GLI2: variants seen among roughly 807,000 people sequenced by gnomAD.
GLI2 encodes transcription activator GLI2.
A neutral mutation model predicts 78.9 loss-of-function variants in GLI2; 22 were observed. That is an observed-to-expected ratio of 0.28 (90% confidence interval 0.20 to 0.40). The LOEUF (loss-of-function observed/expected upper bound fraction) is 0.40. Among genes scored for constraint, GLI2 ranks in the 10% least tolerant of loss-of-function variants. The pLI, the probability that GLI2 is intolerant of heterozygous loss-of-function variation, is 1.00. For missense variants in GLI2, 2,097 were observed against 2,213.2 expected, an observed-to-expected ratio of 0.95 and a Z score of 1.05; for synonymous variants, 974 against 963.7, an observed-to-expected ratio of 1.01 and a Z score of -0.20.
chr2:120,909,589 G>A (rs914295221), intron 2 of GLI2, among the ~76,000 whole-genome samples: 1 of 152,162 alleles, frequency 6.6e-6, no homozygotes. Flanking sequence ...CTTTAGGCCG[G>A]GCGTGGTGGC....
chr2:120,875,750 C>T (rs965066788), intron 2 of GLI2, among the ~76,000 whole-genome samples: 5 of 151,746 alleles, frequency 3.3e-5, no homozygotes, highest in Admixed American at 2.0e-4. Context: ...ATAAAATTCA[C>T]ATGGAAGGCA....
At chr2:120,876,195 A>G (rs1336983915) in intron 2 of GLI2, among the ~76,000 whole-genome samples, 2 of 152,090 alleles carry the variant, frequency 1.3e-5, no homozygotes, top group Non-Finnish European at 2.9e-5. Flanking sequence ...CAAAAAACTT[A>G]GCCGGGCGTG....
chr2:120,759,380 T>A (rs1172395608), intron 1 of GLI2, among the ~76,000 whole-genome samples: 1 of 152,154 alleles, frequency 6.6e-6, no homozygotes, highest in Non-Finnish European at 1.5e-5. Flanking sequence ...AAGTACAGGT[T>A]CTTCAACTAC....
Position 120,971,977 on chromosome 2 carries a change from G to C in GLI2, c.1096G>C (p.Val366Leu). The change falls in exon 8 of 14, where the codon GTC (valine) becomes CTC (leucine). Residue 366 changes from valine (V) to leucine (L), a missense_variant. Coordinates refer to ENST00000361492, the MANE Select transcript of GLI2 (RefSeq NM_001374353.1). ...QSSESAVSST[V>L]NPVAIHKRSK... ...CAGTGAGTCGGCCGTCAGCAGCACC[G>C]TCAACCCTGTCGCCATTCACAAGCG... 6.2e-7 allele frequency: 1 copy of C among 1,613,504 alleles called. No individual in the cohort carries two copies. Among genetic ancestry groups the C allele is most frequent in the Non-Finnish European group, 8.5e-7 (1 of 1,179,728 alleles).
chr2:120,890,189 T>C (rs1677610588), intron 2 of GLI2, among the ~76,000 whole-genome samples: 1 of 152,214 alleles, frequency 6.6e-6, no homozygotes, highest in Non-Finnish European at 1.5e-5. Flanking sequence ...GGAATTATGC[T>C]GAGTGCAAAA....
chr2:120,978,838 G>A (rs1012631175), intron 10 of GLI2, among the ~76,000 whole-genome samples: 1 of 152,206 alleles, frequency 6.6e-6, no homozygotes, highest in Admixed American at 6.5e-5. Flanking sequence ...AAATGTGTGG[G>A]TGTGTCTGTG....
intron 2 of GLI2, among the ~76,000 whole-genome samples, chr2:120,799,737 G>A (rs1265877809): frequency 1.3e-5 from 2 of 152,196 alleles, no homozygotes; most frequent in Admixed American, 1.3e-4. Flanking sequence ...AATGTTACTG[G>A]ATGGTGGCAG....
At chr2:120,874,346 G>T (rs185171822) in intron 2 of GLI2, among the ~76,000 whole-genome samples, 1 of 152,318 alleles carries the variant, frequency 6.6e-6, no homozygotes, top group African/African-American at 2.4e-5. Flanking sequence ...AGGGAAAAAA[G>T]TTATACTAAT....
rs114866726 is a variant in GLI2, at chr2:120,852,290, G to A, written c.148+54822G>A. ...CTATGGATCGCACAGAGACGGATGG[G>A]CAGAGAGTCGTTCCCCATGCAGCGG... On this transcript the variant is annotated intron_variant, in intron 2 of 13. Transcript: ENST00000361492. Among the ~76,000 whole-genome samples, 521 of 152,322 alleles carry A rather than the reference G, an allele frequency of 3.4e-3. 7 individuals carry two copies. Among genetic ancestry groups the A allele is most frequent in the African/African-American group, 0.012 (495 of 41,576 alleles).
intron 1 of GLI2, among the ~76,000 whole-genome samples, chr2:120,738,040 G>A (rs1265118935): frequency 6.6e-6 from 1 of 152,220 alleles, no homozygotes; most frequent in East Asian, 1.9e-4. Context: ...GCCCTCCCTG[G>A]GGCCTGGGAA....
chr2:120,791,914 TGA>T (rs1314046045), intron 1 of GLI2, among the ~76,000 whole-genome samples: 5 of 152,124 alleles, frequency 3.3e-5, no homozygotes, highest in African/African-American at 1.2e-4. Context: ...GTGTGCTGTG[TGA>T]GTGTGTGAGC....
intron 8 of GLI2, among the ~76,000 whole-genome samples, chr2:120,973,808 C>T (rs1682314399): frequency 1.3e-5 from 2 of 152,280 alleles, no homozygotes; most frequent in Middle Eastern, 3.4e-3. Context: ...GAACCCTTCT[C>T]GGAAGAGGTC....
rs759512271 is a variant in GLI2 at position 120,968,903 on chromosome 2, C to T, written c.833C>T (p.Ala278Val). 8.1e-6 allele frequency: 13 copies of T among 1,611,236 alleles called. No individual in the cohort carries two copies. The highest frequency in any genetic ancestry group is 3.3e-5 in the Admixed American group (2 of 59,980). Reference sequence around the variant, plus strand: ...AGCGGTTCCTACGGGCATCTGTCAGCGGGTGCCCTCAGGTGAGCCCCGCCT... The same window carrying T: ...AGCGGTTCCTACGGGCATCTGTCAGTGGGTGCCCTCAGGTGAGCCCCGCCT... Reference protein sequence around the residue: ...AASGSYGHLSAGALSPAFTFP... With the variant: ...AASGSYGHLSVGALSPAFTFP... Residue 278 changes from alanine to valine, a missense_variant, in exon 6 of 14, where the codon GCG becomes GTG. Physicochemically the swap from Ala to Val is moderately conservative, Grantham distance 64. Around this residue, in one of 5 missense-constraint regions of GLI2, gnomAD observed 578 missense variants for 612.0 expected, o/e 0.94. Coordinates refer to ENST00000361492, the MANE Select transcript of GLI2 (RefSeq NM_001374353.1).
At chr2:120,964,890 G>A (rs1681764940) in intron 5 of GLI2, among the ~76,000 whole-genome samples, 1 of 152,262 alleles carries the variant, frequency 6.6e-6, no homozygotes, top group Non-Finnish European at 1.5e-5. Context: ...CCAGACATCA[G>A]GGCTTCTTTG....
chr2:120,871,579 C>T (rs2104677358), intron 2 of GLI2, among the ~76,000 whole-genome samples: 1 of 152,274 alleles, frequency 6.6e-6, no homozygotes, highest in South Asian at 2.1e-4. Context: ...GATCTGTGCT[C>T]TTATAGGTAT....
chr2:120,963,704 C>T (rs1337228333), intron 5 of GLI2, among the ~76,000 whole-genome samples: 10 of 152,228 alleles, frequency 6.6e-5, no homozygotes, highest in Non-Finnish European at 5.9e-5. Context: ...CCTGAGACAC[C>T]TCTCCTCCTC....
intron 2 of GLI2, among the ~76,000 whole-genome samples, chr2:120,881,057 T>C (rs1335271131): frequency 6.6e-6 from 1 of 152,240 alleles, no homozygotes; most frequent in East Asian, 1.9e-4. Context: ...GGCAAGTCAC[T>C]AACCTTATAA....
Position 120,984,490 on chromosome 2 carries a change from T to A in GLI2, c.1652T>A (p.Ile551Asn), listed in dbSNP as rs761866843. ...CCCCAGAAACCCTACATCTGCAAGA[T>A]CCCAGGCTGCACCAAGAGATACACA... ...HSNEKPYICKIPGCTKRYTDP... is the reference protein window; with the variant it reads ...HSNEKPYICKNPGCTKRYTDP... Residue 551 changes from isoleucine (I) to asparagine (N), a missense_variant, in exon 12 of 14, where the codon ATC becomes AAC. Transcript: ENST00000361492. 6.2e-7 allele frequency: 1 copy of A among 1,614,110 alleles called. No homozygotes were observed. Among genetic ancestry groups the A allele is most frequent in the South Asian group, 1.1e-5 (1 of 91,080 alleles).
chr2:120,779,456 G>A lies in GLI2; in HGVS notation c.-30-17835G>A, dbSNP rs141328395. Among the ~76,000 whole-genome samples the A allele has an allele frequency of 2.9e-3, 442 of 152,150 alleles. 4 individuals carry two copies. The highest frequency in any genetic ancestry group is 0.01 in the African/African-American group (418 of 41,506). ...AGGTGCAGGTGTTGAGCATGGTGGT[G>A]CATGACGGCAAAGGTGCCACAGAGT... On this transcript the variant is annotated intron_variant, in intron 1 of 13. Coordinates refer to ENST00000361492, the MANE Select transcript of GLI2 (RefSeq NM_001374353.1).
Sources: allele counts gnomAD v4.1 joint callset (sites outside exome capture counted in the v4.1 genomes callset), GRCh38; gene constraint gnomAD v4.1.1; regional missense constraint gnomAD v4.1.1; transcripts MANE v1.5; gene names NCBI Gene and HGNC (gene_info 2026-07-23, HGNC 2026-07-21).